The following RAVER2 variants were observed in gnomAD, a reference collection of about 807,000 sequenced individuals.
The protein encoded by RAVER2 is ribonucleoprotein PTB-binding 2.
Under a neutral mutation model 78.1 loss-of-function variants are expected in RAVER2, and 46 were observed. The observed-to-expected ratio is 0.59, with a 90% CI of 0.46 to 0.75. The LOEUF is 0.75. RAVER2 is among the 30% of genes least tolerant of loss of function. The pLI, the probability that RAVER2 is intolerant of heterozygous loss-of-function variation, is 0.00. For missense variants in RAVER2, 793 were observed against 837.5 expected (o/e 0.95, Z 0.66); for synonymous variants, 311 against 313.3 (o/e 0.99, Z 0.08).
chr1:64,816,064 CTT>C (rs1249714092), intron 11 of RAVER2: 1 of 152,104 alleles, frequency 6.6e-6, no homozygotes, highest in African/African-American at 2.4e-5. Context: ...AAGAAACAAA[CTT>C]TTTATAAACA....
In RAVER2 at chr1:64,768,678, A is replaced by G; in HGVS notation, c.272A>G (p.Asp91Gly). ...CAGGAAGTTCATGATTTGTTAAAAG[A>G]CTATGACTTAAAATATTGTTATGTG... The change falls in exon 2 of 12, where the codon GAC becomes GGC. Residue 91 changes from aspartate to glycine, a missense_variant. Asp to Gly is a moderately conservative substitution (Grantham distance 94, BLOSUM62 -1). Transcript: ENST00000294428. 6.4e-7 allele frequency: 1 copy of G among 1,562,426 alleles called. No individual in the cohort carries two copies. Among genetic ancestry groups the G allele is most frequent in the Non-Finnish European group, 8.8e-7 (1 of 1,135,862 alleles).
At position 64,750,974 on chromosome 1, in the gene RAVER2, T is replaced by C. The variant is rs533699352; in HGVS notation, c.249+5553T>C. On this transcript the variant is annotated intron_variant, in intron 1 of 11. Transcript: ENST00000294428. ...GATTTCTGGGACACCACTGTCTCCTTAAGTTTCTAGTTTTGGAAGAAATTC... is the reference window on the plus strand; with the variant it reads ...GATTTCTGGGACACCACTGTCTCCTCAAGTTTCTAGTTTTGGAAGAAATTC... Among the ~76,000 whole-genome samples the C allele has an allele frequency of 2.1e-4, 32 of 152,362 alleles. No individual in the cohort carries two copies. The South Asian group carries it at 6.4e-3, about 31-fold the overall frequency.
exon 12 of RAVER2, chr1:64,831,031 C>G: frequency 6.4e-7 from 1 of 1,563,988 alleles, no homozygotes; most frequent in Non-Finnish European, 8.7e-7. Flanking sequence ...TGCAGTATCT[C>G]TGCTGTTCAT....
intron 1 of RAVER2, among the ~76,000 whole-genome samples, chr1:64,754,917 A>G (rs1651808385): frequency 6.6e-6 from 1 of 152,230 alleles, no homozygotes; most frequent in African/African-American, 2.4e-5. Flanking sequence ...GGGCAAGAAT[A>G]TAAATCAGGC....
chr1:64,775,983 C>T (rs2100831766), intron 2 of RAVER2, among the ~76,000 whole-genome samples: 1 of 144,726 alleles, frequency 6.9e-6, no homozygotes, highest in East Asian at 2.0e-4. Flanking sequence ...GGCACCACTG[C>T]ACTCCAGCCT....
At chr1:64,801,500 C>T (rs1453214873) in intron 5 of RAVER2, among the ~76,000 whole-genome samples, 1 of 147,848 alleles carries the variant, frequency 6.8e-6, no homozygotes, top group Non-Finnish European at 1.5e-5. Flanking sequence ...TCTATATTAT[C>T]TATTCTAAAA....
At chr1:64,790,495 G>T (rs1468803555) in intron 5 of RAVER2, among the ~76,000 whole-genome samples, 1 of 152,128 alleles carries the variant, frequency 6.6e-6, no homozygotes, top group East Asian at 1.9e-4. Flanking sequence ...TGGCAGTTTG[G>T]ATATGCCAAA....
Position 64,784,287 on chromosome 1 carries a change from G to A in RAVER2, c.978+2716G>A, listed in dbSNP as rs558063440. Among the ~76,000 whole-genome samples the A allele has an allele frequency of 9.2e-5, 14 of 152,256 alleles. No individual in the cohort carries two copies. The South Asian group carries it at 1.2e-3, about 14-fold the overall frequency. The stretch of plus-strand genomic sequence containing the variant: ...AGCTACTTGGGGGGCTGAGGTGGGA[G>A]AATAACCCGAGCCCAGGAGTTTGAG... On this transcript the variant is annotated intron_variant, in intron 4 of 11. Coordinates refer to ENST00000294428, the Ensembl canonical transcript of RAVER2.
At chr1:64,829,338 T>C (rs181748764) in intron 11 of RAVER2, among the ~76,000 whole-genome samples, 12 of 152,272 alleles carry the variant, frequency 7.9e-5, no homozygotes, top group African/African-American at 2.9e-4. Context: ...AAAATCTCAC[T>C]TGTAGAATGG....
chr1:64,831,529 T>A (rs924922367), exon 12 of RAVER2: 2 of 152,272 alleles, frequency 1.3e-5, no homozygotes, highest in Non-Finnish European at 2.9e-5. Context: ...CCATGCAAAA[T>A]TAAACCCGGT....
At chr1:64,789,445 A>T (rs752536506) in exon 5 of RAVER2, 1 of 1,610,270 alleles carries the variant, frequency 6.2e-7, no homozygotes, top group East Asian at 2.2e-5. Flanking sequence ...AATTATGAAA[A>T]GTTTAAACAA....
chr1:64,793,725 C>G (rs1280295815), intron 5 of RAVER2, among the ~76,000 whole-genome samples: 1 of 151,636 alleles, frequency 6.6e-6, no homozygotes, highest in Non-Finnish European at 1.5e-5. Flanking sequence ...TAATCCATCC[C>G]CTATCCTGTC....
At chr1:64,797,235 A>G (rs1365814811) in intron 5 of RAVER2, among the ~76,000 whole-genome samples, 1 of 152,210 alleles carries the variant, frequency 6.6e-6, no homozygotes, top group Non-Finnish European at 1.5e-5. Context: ...CATGGTTGAT[A>G]GTGTTCATGT....
At chr1:64,826,372 T>C (rs1654003434) in intron 11 of RAVER2, among the ~76,000 whole-genome samples, 1 of 152,208 alleles carries the variant, frequency 6.6e-6, no homozygotes, top group Non-Finnish European at 1.5e-5. Context: ...GTAAAACTGA[T>C]TCTTGGGCAA....
intron 9 of RAVER2, among the ~76,000 whole-genome samples, chr1:64,810,714 T>C (rs1269235428): frequency 1.3e-5 from 2 of 152,222 alleles, no homozygotes; most frequent in African/African-American, 4.8e-5. Flanking sequence ...ACTGGTCATC[T>C]GTATATTTTC....
intron 1 of RAVER2, among the ~76,000 whole-genome samples, chr1:64,750,512 T>C (rs1398709338): frequency 6.6e-6 from 1 of 152,096 alleles, no homozygotes; most frequent in Non-Finnish European, 1.5e-5. Flanking sequence ...GGTCTCTCTA[T>C]GTTGCCCAGG....
At chr1:64,775,754 C>T (rs1261392107) in intron 2 of RAVER2, among the ~76,000 whole-genome samples, 2 of 152,170 alleles carry the variant, frequency 1.3e-5, no homozygotes, top group African/African-American at 2.4e-5. Context: ...TGCAGTGGCT[C>T]AGGCCTATAA....
chr1:64,777,561 ATATTTCTTACTGTGT>A, intron 2 of RAVER2, 47 bp from the exon 3 acceptor site: 1 of 1,355,236 alleles, frequency 7.4e-7, no homozygotes, highest in Non-Finnish European at 1.0e-6. Flanking sequence ...GAAGTAAGAT[ATATTTCTTACTGTGT>A]TTTCAAACAA....
chr1:64,764,474 T>A (rs1208539383), intron 1 of RAVER2, among the ~76,000 whole-genome samples: 3 of 151,876 alleles, frequency 2.0e-5, no homozygotes, highest in Non-Finnish European at 4.4e-5. Flanking sequence ...TGAAATAAGA[T>A]CCCTTTATGA....
Sources: allele counts gnomAD v4.1 joint callset (sites outside exome capture counted in the v4.1 genomes callset), GRCh38; gene constraint gnomAD v4.1.1; transcripts MANE v1.5; gene names NCBI Gene and HGNC (gene_info 2026-07-23, HGNC 2026-07-21).